The following TAFA2 variants were observed in gnomAD, a reference collection of about 807,000 sequenced individuals.
The protein encoded by TAFA2 is TAFA chemokine like family member 2, also known as chemokine-like protein TAFA-2.
TAFA2 carries 7 observed loss-of-function variants against 18.8 expected under a neutral mutation model. The observed-to-expected ratio is 0.37, with a 90% CI of 0.21 to 0.70. The LOEUF is 0.70. TAFA2 is among the 30% of genes least tolerant of loss of function. The pLI is 0.53. For missense variants in TAFA2, 122 were observed against 158.1 expected (o/e 0.77, Z 1.23); for synonymous variants, 60 against 54.2 (o/e 1.11, Z -0.47).
intron 1 of TAFA2, among the ~76,000 whole-genome samples, chr12:62,189,940 T>TTGTGTGTGTGTGTGTGTGTG (rs10643306): frequency 4.2e-5 from 6 of 142,022 alleles, no homozygotes; most frequent in African/African-American, 1.6e-4. Flanking sequence ...TGAGTTTGCT[T>TTGTGTGTGTGTGTGTGTGTG]TGTGTGTGTG....
chr12:62,001,855 AATAAG>A (rs1478858801), intron 1 of TAFA2, among the ~76,000 whole-genome samples: 1 of 152,220 alleles, frequency 6.6e-6, no homozygotes, highest in Non-Finnish European at 1.5e-5. Context: ...TACAGATGAA[AATAAG>A]ATATTATGCA....
At chr12:62,004,767 T>C (rs1022484590) in intron 1 of TAFA2, among the ~76,000 whole-genome samples, 2 of 152,050 alleles carry the variant, frequency 1.3e-5, no homozygotes, top group African/African-American at 4.8e-5. Context: ...AGTCGAGATA[T>C]GAAAACAAAA....
At chr12:62,109,628 A>G (rs371679052) in intron 1 of TAFA2, among the ~76,000 whole-genome samples, 4 of 152,146 alleles carry the variant, frequency 2.6e-5, no homozygotes, top group African/African-American at 9.7e-5. Context: ...ATGTTTTTCC[A>G]TTTGTTTGTG....
intron 2 of TAFA2, among the ~76,000 whole-genome samples, chr12:61,866,346 C>T (rs752612610): frequency 2.0e-5 from 3 of 152,124 alleles, no homozygotes; most frequent in South Asian, 2.1e-4. Flanking sequence ...GCTAATTAAA[C>T]GGACATGTGT....
chr12:61,876,994 T>C (rs966682881), intron 1 of TAFA2, among the ~76,000 whole-genome samples: 26 of 152,188 alleles, frequency 1.7e-4, no homozygotes, highest in African/African-American at 5.8e-4. Flanking sequence ...AGTTGTACAT[T>C]ACTTCATATA....
intron 1 of TAFA2, among the ~76,000 whole-genome samples, chr12:62,210,078 T>C (rs988132497): frequency 3.3e-5 from 5 of 151,776 alleles, no homozygotes; most frequent in Non-Finnish European, 7.4e-5. Context: ...TGGGCGCCTG[T>C]GGGAGGCTAA....
intron 4 of TAFA2, among the ~76,000 whole-genome samples, chr12:61,730,444 C>A (rs1236736010): frequency 6.6e-6 from 1 of 152,154 alleles, no homozygotes; most frequent in African/African-American, 2.4e-5. Context: ...TATTGGGTTT[C>A]TCAGGCAATG....
intron 4 of TAFA2, among the ~76,000 whole-genome samples, chr12:61,725,496 G>T (rs1028600481): frequency 1.3e-5 from 2 of 151,916 alleles, no homozygotes; most frequent in Non-Finnish European, 2.9e-5. Flanking sequence ...TCATTCTTCT[G>T]CATGTGGCTT....
chr12:62,193,784 G>A (rs1449473998), upstream of TAFA2, among the ~76,000 whole-genome samples: 1 of 152,166 alleles, frequency 6.6e-6, no homozygotes, highest in Non-Finnish European at 1.5e-5. Flanking sequence ...TTCAAAAATT[G>A]TAAAATGTGT....
At chr12:61,768,770 G>A (rs7980047) in intron 2 of TAFA2, among the ~76,000 whole-genome samples, 52,853 of 151,936 alleles carry the variant, frequency 0.35, 9,466 homozygotes, top group Non-Finnish European at 0.39. Context: ...ACAAGGAGAA[G>A]GAAACTTCCA....
chr12:61,977,942 A>G (rs923550473), intron 1 of TAFA2, among the ~76,000 whole-genome samples: 4 of 152,100 alleles, frequency 2.6e-5, no homozygotes, highest in South Asian at 2.1e-4. Flanking sequence ...CGTTCCACTG[A>G]TTTCAGTAGA....
chr12:62,074,641 C>T (rs1183336790), intron 1 of TAFA2, among the ~76,000 whole-genome samples: 1 of 151,686 alleles, frequency 6.6e-6, no homozygotes, highest in Non-Finnish European at 1.5e-5. Flanking sequence ...CAGTAGAATG[C>T]GAGCTTATAA....
intron 1 of TAFA2, among the ~76,000 whole-genome samples, chr12:62,081,947 C>T (rs1868331981): frequency 6.6e-6 from 1 of 151,966 alleles, no homozygotes; most frequent in African/African-American, 2.4e-5. Flanking sequence ...CCCTCCCCTC[C>T]TCCCCACCCC....
chr12:62,233,737 G>C (rs796444942), intron 1 of TAFA2, among the ~76,000 whole-genome samples: 38 of 152,316 alleles, frequency 2.5e-4, no homozygotes, highest in African/African-American at 9.1e-4. Context: ...CCTGGGGCTA[G>C]TGAATGGGTC....
chr12:62,091,284 T>C (rs1414255075), intron 1 of TAFA2, among the ~76,000 whole-genome samples: 1 of 151,940 alleles, frequency 6.6e-6, no homozygotes, highest in East Asian at 1.9e-4. Context: ...TGAATTCCAT[T>C]TGATGGAATT....
chr12:62,072,326 G>A (rs1241615029), intron 1 of TAFA2, among the ~76,000 whole-genome samples: 3 of 151,974 alleles, frequency 2.0e-5, no homozygotes, highest in Non-Finnish European at 2.9e-5. Flanking sequence ...AAAATTAGCC[G>A]GGCATGGTGG....
intron 1 of TAFA2, among the ~76,000 whole-genome samples, chr12:62,015,015 T>C (rs1880886145): frequency 6.6e-6 from 1 of 152,258 alleles, no homozygotes; most frequent in Admixed American, 6.5e-5. Flanking sequence ...CAAAAAAGTC[T>C]ATCCTAGCAA....
At chr12:61,939,569 G>A (rs1026132351) in intron 1 of TAFA2, among the ~76,000 whole-genome samples, 3 of 152,122 alleles carry the variant, frequency 2.0e-5, no homozygotes, top group Non-Finnish European at 4.4e-5. Context: ...TACCTGATTT[G>A]GATTTCAAAT....
At chr12:62,084,108 G>A (rs993985680) in intron 1 of TAFA2, among the ~76,000 whole-genome samples, 8 of 152,220 alleles carry the variant, frequency 5.3e-5, no homozygotes, top group Non-Finnish European at 1.0e-4. Context: ...ATCTGTAATA[G>A]GTAAGCAAAG....
Sources: gnomAD v4.1 joint callset for allele counts (sites outside exome capture counted in the v4.1 genomes callset) on GRCh38, gnomAD v4.1.1 for gene constraint, MANE v1.5 for transcripts, NCBI Gene and HGNC (gene_info 2026-07-23, HGNC 2026-07-21) for gene names.